DCDC1: variants seen among roughly 807,000 people sequenced by gnomAD.
The protein encoded by DCDC1 is doublecortin domain containing 1.
In DCDC1, 200 loss-of-function variants were observed where a neutral mutation model predicts 178.3. That is an observed-to-expected ratio of 1.12 (90% CI 1.00 to 1.26). The LOEUF (loss-of-function observed/expected upper bound fraction) is 1.26. Among genes scored for constraint, DCDC1 ranks in the 50% most tolerant of loss-of-function variants. DCDC1 has a pLI of 0.00. For synonymous variants in DCDC1, 690 were observed against 604.8 expected (o/e 1.14, Z -2.07); for missense variants, 1,983 against 1,749.2 (o/e 1.13, Z -2.38).
chr11:31,336,884 A>G (rs1950298848), intron 1 of DCDC1, among the ~76,000 whole-genome samples: 1 of 152,192 alleles, frequency 6.6e-6, no homozygotes, highest in Non-Finnish European at 1.5e-5. Flanking sequence ...GAATGAAAAC[A>G]ATGGCTAGTC....
intron 20 of DCDC1, among the ~76,000 whole-genome samples, chr11:30,956,346 T>C (rs1240170115): frequency 6.6e-6 from 1 of 152,182 alleles, no homozygotes; most frequent in Non-Finnish European, 1.5e-5. Flanking sequence ...CAAAGTACTT[T>C]TTCATACACA....
At chr11:31,349,613 T>C (rs1950976049) in intron 1 of DCDC1, among the ~76,000 whole-genome samples, 1 of 152,226 alleles carries the variant, frequency 6.6e-6, no homozygotes, top group Non-Finnish European at 1.5e-5. Context: ...AAATCTATTC[T>C]TGGAATTAGT....
At chr11:30,868,960 T>C (rs1321639313) in intron 38 of DCDC1, among the ~76,000 whole-genome samples, 1 of 152,192 alleles carries the variant, frequency 6.6e-6, no homozygotes, top group Non-Finnish European at 1.5e-5. Context: ...ATGCCATTCA[T>C]CTTTCCTTAG....
intron 7 of DCDC1, among the ~76,000 whole-genome samples, chr11:31,289,302 A>G (rs1205034160): frequency 1.3e-5 from 2 of 152,050 alleles, no homozygotes; most frequent in African/African-American, 2.4e-5. Context: ...TTAACAGTCC[A>G]AGAGATACGT....
At chr11:31,305,142 T>C (rs575227023) in intron 6 of DCDC1, among the ~76,000 whole-genome samples, 1 of 152,146 alleles carries the variant, frequency 6.6e-6, no homozygotes, top group African/African-American at 2.4e-5. Flanking sequence ...AGGAGAATCA[T>C]ATGTATATAA....
intron 21 of DCDC1, among the ~76,000 whole-genome samples, chr11:30,939,156 C>A (rs558528359): frequency 1.3e-5 from 2 of 152,154 alleles, no homozygotes; most frequent in East Asian, 1.9e-4. Flanking sequence ...GGCTCATGCA[C>A]GAGGTTGCCT....
intron 1 of DCDC1, among the ~76,000 whole-genome samples, chr11:31,342,733 G>C (rs967021436): frequency 3.3e-5 from 5 of 152,024 alleles, no homozygotes. Context: ...CAAGGCAAAA[G>C]TATATGATTA....
At chr11:31,312,255 C>A (rs1948814496) in intron 3 of DCDC1, among the ~76,000 whole-genome samples, 1 of 152,142 alleles carries the variant, frequency 6.6e-6, no homozygotes, top group South Asian at 2.1e-4. Flanking sequence ...GCCTACATAG[C>A]ATTTATGTCA....
chr11:31,018,760 T>C (rs2135181505), intron 20 of DCDC1, among the ~76,000 whole-genome samples: 1 of 152,278 alleles, frequency 6.6e-6, no homozygotes, highest in African/African-American at 2.4e-5. Context: ...TAGTATAATG[T>C]TGTGACTTTT....
At chr11:30,915,453 G>T (rs1565068631) in intron 27 of DCDC1, 58 bp downstream of exon 27, 41 of 1,583,830 alleles carry the variant, frequency 2.6e-5, no homozygotes, top group Non-Finnish European at 3.5e-5. Flanking sequence ...GACCATGCTA[G>T]ACTTATTAGG....
chr11:31,239,983 A>T (rs1976920492), intron 9 of DCDC1, among the ~76,000 whole-genome samples: 1 of 151,930 alleles, frequency 6.6e-6, no homozygotes, highest in Admixed American at 6.6e-5. Flanking sequence ...TATTTCTAAC[A>T]TCCTTACTTG....
intron 7 of DCDC1, among the ~76,000 whole-genome samples, chr11:31,281,458 T>C (rs1156547859): frequency 2.0e-5 from 3 of 152,164 alleles, no homozygotes; most frequent in Non-Finnish European, 4.4e-5. Flanking sequence ...TTTTTGTTTT[T>C]TTAATAAGTG....
chr11:30,879,500 A>G (rs1464966773), intron 37 of DCDC1, among the ~76,000 whole-genome samples: 1 of 152,200 alleles, frequency 6.6e-6, no homozygotes, highest in Non-Finnish European at 1.5e-5. Context: ...TATATAGCTC[A>G]TTGGAAAGAA....
chr11:30,940,196 G>T (rs163857), intron 21 of DCDC1, among the ~76,000 whole-genome samples: 14 of 152,028 alleles, frequency 9.2e-5, no homozygotes, highest in Non-Finnish European at 1.8e-4. Flanking sequence ...TTCCAGTCTC[G>T]AAACTTGAGA....
intron 9 of DCDC1, among the ~76,000 whole-genome samples, chr11:31,145,787 A>T (rs905604021): frequency 2.0e-5 from 3 of 152,138 alleles, no homozygotes; most frequent in African/African-American, 7.2e-5. Context: ...TATTTGATAC[A>T]CTTGATTGTC....
At chr11:31,151,150 T>G (rs1418321325) in intron 9 of DCDC1, among the ~76,000 whole-genome samples, 1 of 152,138 alleles carries the variant, frequency 6.6e-6, no homozygotes, top group South Asian at 2.1e-4. Flanking sequence ...AGTAGCATGC[T>G]CATGAACACA....
intron 20 of DCDC1, among the ~76,000 whole-genome samples, chr11:31,035,929 A>C (rs1251460251): frequency 2.0e-5 from 3 of 152,148 alleles, no homozygotes; most frequent in Non-Finnish European, 4.4e-5. Context: ...AAATTCATAA[A>C]TATTTATCTT....
chr11:31,071,003 T>C (rs1956524096), intron 18 of DCDC1, among the ~76,000 whole-genome samples: 1 of 152,172 alleles, frequency 6.6e-6, no homozygotes, highest in Non-Finnish European at 1.5e-5. Context: ...TTATACATGC[T>C]TTTTATAGAA....
At chr11:31,197,255 A>G (rs1038213269) in intron 9 of DCDC1, among the ~76,000 whole-genome samples, 2 of 152,108 alleles carry the variant, frequency 1.3e-5, no homozygotes, top group African/African-American at 4.8e-5. Flanking sequence ...AGTCCATAAA[A>G]TATACTTCCT....
Sources: gnomAD v4.1 joint callset for allele counts (sites outside exome capture counted in the v4.1 genomes callset) on GRCh38, gnomAD v4.1.1 for gene constraint, MANE v1.5 for transcripts, NCBI Gene and HGNC (gene_info 2026-07-23, HGNC 2026-07-21) for gene names.